The following ZNF737 variants were observed in gnomAD, a reference collection of about 807,000 sequenced individuals.
ZNF737 encodes the protein zinc finger protein 102 (Y3).
Under a neutral mutation model 11.7 loss-of-function variants are expected in ZNF737, and 13 were observed. The observed-to-expected ratio is 1.11, with a 90% CI of 0.73 to 1.77. The LOEUF (loss-of-function observed/expected upper bound fraction) is 1.77. ZNF737 is among the 40% of genes most tolerant of loss of function. ZNF737 has a pLI of 0.00. For missense variants in ZNF737, 636 were observed against 638.0 expected, an observed-to-expected ratio of 1.00 and a Z score of 0.03; for synonymous variants, 217 against 216.2, an observed-to-expected ratio of 1.00 and a Z score of -0.03.
At chr19:20,548,090 C>T (rs111746474) in intron 3 of ZNF737, among the ~76,000 whole-genome samples, 12,370 of 151,884 alleles carry the variant, frequency 0.081, 528 homozygotes, top group Non-Finnish European at 0.086. Context: ...TGCAGTGAGC[C>T]GAAATCGTGC....
intron 1 of ZNF737, among the ~76,000 whole-genome samples, chr19:20,562,023 TA>T (rs1251436975): frequency 6.6e-6 from 1 of 152,228 alleles, no homozygotes; most frequent in African/African-American, 2.4e-5. Context: ...TTGTGATTAA[TA>T]AAATTCTCCA....
downstream of ZNF737, among the ~76,000 whole-genome samples, chr19:20,537,650 G>A (rs1968031022): frequency 1.3e-5 from 2 of 149,630 alleles, no homozygotes; most frequent in Admixed American, 1.4e-4. Flanking sequence ...CCAAGTAGCT[G>A]GGACTACAGG....
chr19:20,564,661 A>T (rs1172731505), intron 1 of ZNF737, among the ~76,000 whole-genome samples: 3 of 151,568 alleles, frequency 2.0e-5, no homozygotes, highest in African/African-American at 7.3e-5. Flanking sequence ...AAAAAAAAAA[A>T]AATAAAAATA....
chr19:20,545,689 GT>G lies in ZNF737; in HGVS notation c.513del (p.Lys171AsnfsTer6). 6.2e-7 allele frequency: 1 copy of G among 1,613,474 alleles called. No homozygotes were observed. Among genetic ancestry groups the G allele is most frequent in the Non-Finnish European group, 8.5e-7 (1 of 1,179,684 alleles). On this transcript the variant is annotated frameshift_variant, in exon 4 of 4. Transcript: ENST00000427401. LOFTEE classifies it low-confidence loss of function (END_TRUNC). The stretch of plus-strand genomic sequence containing the variant: ...TTGCCACATTCTATACATTTGAAAG[GT>G]TTTTTTCCAGTATGTCTTATCTTAT... Reference protein sequence around the residue: ...NRHKIRHTGKKPFKCIECGKA... With the variant: ...NRHKIRHTGKXPFKCIECGKA...
At chr19:20,533,928 T>C (rs1161370670), downstream of ZNF737, among the ~76,000 whole-genome samples, 4 of 149,996 alleles carry the variant, frequency 2.7e-5, no homozygotes, top group Non-Finnish European at 5.9e-5. Context: ...TGAATGGTGG[T>C]TCAAAATCAC....
Position 20,540,399 on chromosome 19 carries a change from C to G in ZNF737, c.*4193G>C, listed in dbSNP as rs1018343374. 2.6e-5 allele frequency among the ~76,000 whole-genome samples: 4 copies of G among 152,248 alleles called. No individual in the cohort carries two copies. The South Asian group carries it at 8.3e-4, about 32-fold the overall frequency. The stretch of plus-strand genomic sequence containing the variant: ...CTCAAGAGGAAAGTATGACACAGCA[C>G]GTGTGCAACAGACTGGTAATCCAGG... On this transcript the variant is annotated 3_prime_UTR_variant, in exon 4 of 4. Coordinates refer to ENST00000427401, the MANE Select transcript of ZNF737 (RefSeq NM_001159293.2).
chr19:20,549,872 G>A (rs1051225008), intron 3 of ZNF737, among the ~76,000 whole-genome samples: 4 of 150,224 alleles, frequency 2.7e-5, no homozygotes, highest in African/African-American at 4.9e-5. Flanking sequence ...GGAGGTTGCA[G>A]TGAGCCAAGA....
downstream of ZNF737, among the ~76,000 whole-genome samples, chr19:20,530,900 G>T (rs1200147725): frequency 1.4e-5 from 2 of 147,730 alleles, no homozygotes; most frequent in Non-Finnish European, 3.0e-5. Flanking sequence ...AGGTTGTAGC[G>T]AGCCGAGATC....
chr19:20,565,412 C>G (rs577084543), intron 1 of ZNF737, among the ~76,000 whole-genome samples: 1 of 87,192 alleles, frequency 1.1e-5, no homozygotes, highest in Admixed American at 1.3e-4. Context: ...GCGCTCCAGG[C>G]CAGAGCAGTC....
Position 20,543,709 on chromosome 19 carries a change from G to T in ZNF737, c.*883C>A. 1.0e-6 allele frequency: 1 copy of T among 985,158 alleles called. No individual in the cohort carries two copies. The allele number at this position is 985,158 out of a possible 1,614,324, so 61.0% of individuals were successfully genotyped here. A position where few individuals can be genotyped will look rare whatever the true frequency, so the allele number is the denominator to read the frequency against. ...TTTGTCACATTTTATATATTTCTAG[G>T]GTTTCACACTAGTATAATTATTGTT... On this transcript the variant is annotated 3_prime_UTR_variant, in exon 4 of 4. Transcript: ENST00000427401.
chr19:20,533,333 T>C (rs1427915547), downstream of ZNF737, among the ~76,000 whole-genome samples: 2 of 150,080 alleles, frequency 1.3e-5, no homozygotes, highest in East Asian at 2.0e-4. Flanking sequence ...TTTGTAGCAA[T>C]AGCTATCAAT....
intron 3 of ZNF737, among the ~76,000 whole-genome samples, chr19:20,552,092 C>T (rs903152560): frequency 2.6e-5 from 4 of 151,706 alleles, no homozygotes; most frequent in East Asian, 3.9e-4. Flanking sequence ...ACAGAAACTA[C>T]TACTCTCACA....
rs1555754528 is a variant in ZNF737, at chr19:20,539,048, C to T, written c.*5544G>A. The stretch of plus-strand genomic sequence containing the variant: ...AAGTGGCTCATGCCTGTAATCCCAG[C>T]ACTCTGGGAGGCTGAGGTGGATGGA... On this transcript the variant is annotated 3_prime_UTR_variant, in exon 4 of 4. Coordinates refer to ENST00000427401, the MANE Select transcript of ZNF737 (RefSeq NM_001159293.2). 4.2e-6 allele frequency: 4 copies of T among 952,334 alleles called. No homozygotes were observed. The highest frequency in any genetic ancestry group is 5.0e-6 in the Non-Finnish European group (4 of 799,894). The allele number at this position is 952,334 out of a possible 1,614,324, so 59.0% of individuals were successfully genotyped here.
rs1391531481 is a variant in ZNF737, at chr19:20,540,370, T to C, written c.*4222A>G. On this transcript the variant is annotated 3_prime_UTR_variant, in exon 4 of 4. Coordinates refer to ENST00000427401, the MANE Select transcript of ZNF737 (RefSeq NM_001159293.2). ...TCCCACCACAGTCACACATTTTTTT[T>C]ACACTCAAGAGGAAAGTATGACACA... Among the ~76,000 whole-genome samples, 1 of 152,034 alleles carries C rather than the reference T, an allele frequency of 6.6e-6. No individual in the cohort carries two copies. The highest frequency in any genetic ancestry group is 6.5e-5 in the Admixed American group (1 of 15,270).
At chr19:20,530,483 C>G in the ZNF737 span, among the ~76,000 whole-genome samples, 2 of 148,016 alleles carry the variant, frequency 1.4e-5, no homozygotes. Flanking sequence ...GGGTGGCAGC[C>G]GGGTGGAGGG....
At chr19:20,561,255 G>A (rs1168412989) in intron 1 of ZNF737, among the ~76,000 whole-genome samples, 8 of 152,176 alleles carry the variant, frequency 5.3e-5, no homozygotes, top group Admixed American at 4.6e-4. Context: ...CAGATTTAGT[G>A]TCTGGGGGTG....
chr19:20,552,375 A>T, intron 3 of ZNF737, 100 bp downstream of exon 3: 2 of 750,938 alleles, frequency 2.7e-6, no homozygotes, highest in Non-Finnish European at 3.9e-6. Context: ...TTTTCTTTGG[A>T]GCACAGCTTC....
intron 1 of ZNF737, among the ~76,000 whole-genome samples, chr19:20,555,081 T>C (rs933408590): frequency 6.6e-6 from 1 of 152,158 alleles, no homozygotes; most frequent in Non-Finnish European, 1.5e-5. Context: ...CAGGCTGGTC[T>C]CGATCTCCTG....
At chr19:20,564,959 C>T (rs1969241027) in intron 1 of ZNF737, among the ~76,000 whole-genome samples, 1 of 117,648 alleles carries the variant, frequency 8.5e-6, no homozygotes, top group South Asian at 2.5e-4. Context: ...TTTTTTGAGA[C>T]GGAGTCTCAC....
Sources: gnomAD v4.1 joint callset for allele counts (sites outside exome capture counted in the v4.1 genomes callset) on GRCh38, gnomAD v4.1.1 for gene constraint, MANE v1.5 for transcripts, NCBI Gene and HGNC (gene_info 2026-07-23, HGNC 2026-07-21) for gene names.